PRKG1: variants seen among roughly 807,000 people sequenced by gnomAD.
PRKG1 encodes protein kinase cGMP-dependent 1, also known as cGMP-dependent protein kinase 1.
Under a neutral mutation model 88.1 loss-of-function variants are expected in PRKG1, and 35 were observed. The ratio of observed to expected loss-of-function variants is 0.40; its 90% CI spans 0.30 to 0.53. PRKG1 has a LOEUF of 0.53. Among genes scored for constraint, PRKG1 ranks in the 20% least tolerant of loss-of-function variants. The pLI is 0.59. For missense variants in PRKG1, 540 were observed against 839.8 expected, an observed-to-expected ratio of 0.64 and a Z score of 4.41; for synonymous variants, 303 against 292.5, an observed-to-expected ratio of 1.04 and a Z score of -0.37.
chr10:51,676,117 A>G (rs932684946), intron 3 of PRKG1, among the ~76,000 whole-genome samples: 5 of 152,176 alleles, frequency 3.3e-5, no homozygotes, highest in African/African-American at 4.8e-5. Context: ...AAAACAAAAA[A>G]AAAAAGAAAA....
At chr10:51,110,012 C>T (rs1467922698) in intron 1 of PRKG1, among the ~76,000 whole-genome samples, 3 of 151,958 alleles carry the variant, frequency 2.0e-5, no homozygotes, top group African/African-American at 7.2e-5. Flanking sequence ...AAATGCAAAC[C>T]ATAATGTGAA....
At chr10:51,008,526 A>G (rs1229692055) in intron 1 of PRKG1, among the ~76,000 whole-genome samples, 1 of 152,058 alleles carries the variant, frequency 6.6e-6, no homozygotes, top group Non-Finnish European at 1.5e-5. Flanking sequence ...TAACCATTCC[A>G]TGACTTGGAC....
rs866273881 is a variant in PRKG1, at chr10:52,203,277, A to G, written c.1076+41314A>G. 5.3e-5 allele frequency among the ~76,000 whole-genome samples: 8 copies of G among 152,220 alleles called. No individual in the cohort carries two copies. In the South Asian group the frequency reaches 1.7e-3, roughly 32 times the overall value. On this transcript the variant is annotated intron_variant, in intron 9 of 17. Coordinates refer to ENST00000373980, the MANE Select transcript of PRKG1 (RefSeq NM_006258.4). ...TGCCTTAATTTCATTGTTTAACCCA[A>G]AGTAAATCAGGAGCATGTTGTTTAA... is the stretch of plus-strand genomic sequence containing the variant.
intron 3 of PRKG1, among the ~76,000 whole-genome samples, chr10:51,693,112 ACC>A (rs1841186467): frequency 6.6e-6 from 1 of 151,634 alleles, no homozygotes; most frequent in South Asian, 2.1e-4. Context: ...ACATGGTGAA[ACC>A]CCGTCTCTAC....
intron 5 of PRKG1, among the ~76,000 whole-genome samples, chr10:52,004,461 G>A (rs1844679467): frequency 6.6e-6 from 1 of 152,252 alleles, no homozygotes; most frequent in South Asian, 2.1e-4. Context: ...CTTCTCTTCA[G>A]CATCTCCTGG....
chr10:51,452,103 C>A (rs1395599275), intron 2 of PRKG1, among the ~76,000 whole-genome samples: 2 of 151,854 alleles, frequency 1.3e-5, no homozygotes, highest in African/African-American at 4.8e-5. Flanking sequence ...GTGTTCAAAT[C>A]AGTGTCTTTT....
intron 5 of PRKG1, among the ~76,000 whole-genome samples, chr10:52,037,241 G>A (rs1417921458): frequency 6.6e-6 from 1 of 152,222 alleles, no homozygotes; most frequent in Non-Finnish European, 1.5e-5. Context: ...GCTCCTGTGG[G>A]AGGAGGTTCT....
intron 3 of PRKG1, among the ~76,000 whole-genome samples, chr10:51,651,732 C>A (rs963804396): frequency 6.6e-6 from 1 of 151,848 alleles, no homozygotes; most frequent in African/African-American, 2.4e-5. Flanking sequence ...TACAGGTGCA[C>A]GTCACCATGC....
rs563494485 is a variant in PRKG1, at chr10:52,221,428, CT to C, written c.1077-30137del. On this transcript the variant is annotated intron_variant, in intron 9 of 17. Coordinates refer to ENST00000373980, the MANE Select transcript of PRKG1 (RefSeq NM_006258.4). ...TATTTTAAAAACTAAGTCAACACGT[CT>C]TTTTAAAAACTTAGGGTTTTTTTAC... is the stretch of plus-strand genomic sequence containing the variant. Among the ~76,000 whole-genome samples, 647 of 152,134 alleles carry C rather than the reference CT, an allele frequency of 4.3e-3. 3 individuals carry two copies. Among genetic ancestry groups the C allele is most frequent in the Non-Finnish European group, 6.5e-3 (445 of 67,982 alleles).
At chr10:51,814,549 TGACAAAGCTG>T (rs1411826301) in intron 4 of PRKG1, among the ~76,000 whole-genome samples, 2 of 152,154 alleles carry the variant, frequency 1.3e-5, no homozygotes, top group Non-Finnish European at 2.9e-5. Context: ...GAATTAAGCT[TGACAAAGCTG>T]GTATAGTTTT....
intron 5 of PRKG1, among the ~76,000 whole-genome samples, chr10:52,013,827 G>C (rs778247217): frequency 6.6e-6 from 1 of 152,180 alleles, no homozygotes; most frequent in Non-Finnish European, 1.5e-5. Flanking sequence ...TCTCAAGTCT[G>C]TTCTTGATAT....
chr10:51,893,475 C>G (rs1841771124), intron 4 of PRKG1, among the ~76,000 whole-genome samples: 1 of 152,082 alleles, frequency 6.6e-6, no homozygotes, highest in African/African-American at 2.4e-5. Flanking sequence ...AATTTCAGCC[C>G]TCACTCAGGC....
chr10:51,930,915 T>C (rs1383337973), intron 5 of PRKG1, among the ~76,000 whole-genome samples: 1 of 152,212 alleles, frequency 6.6e-6, no homozygotes, highest in Non-Finnish European at 1.5e-5. Context: ...GTTATTAATA[T>C]GGTTTCAAAA....
chr10:51,187,308 C>G (rs141993719), intron 2 of PRKG1, among the ~76,000 whole-genome samples: 1 of 151,920 alleles, frequency 6.6e-6, no homozygotes, highest in African/African-American at 2.4e-5. Flanking sequence ...ACTGGTTCCA[C>G]CTGTAAATAA....
intron 3 of PRKG1, chr10:51,696,949 G>C (rs1175963476): frequency 6.6e-6 from 1 of 151,936 alleles, no homozygotes; most frequent in African/African-American, 2.4e-5. Context: ...GGTTTCATCA[G>C]AGCGGACTTA....
intron 3 of PRKG1, among the ~76,000 whole-genome samples, chr10:51,668,267 A>G (rs1840471873): frequency 6.6e-6 from 1 of 152,182 alleles, no homozygotes; most frequent in South Asian, 2.1e-4. Flanking sequence ...AAAACCACGT[A>G]TAGTGATAAG....
intron 3 of PRKG1, among the ~76,000 whole-genome samples, chr10:51,679,231 G>A (rs867910399): frequency 6.6e-6 from 1 of 152,054 alleles, no homozygotes; most frequent in Non-Finnish European, 1.5e-5. Context: ...CAGTAGTCTC[G>A]CAAAAGGACC....
chr10:51,579,671 A>G (rs1028538442), intron 3 of PRKG1, among the ~76,000 whole-genome samples: 3 of 152,168 alleles, frequency 2.0e-5, no homozygotes, highest in African/African-American at 4.8e-5. Flanking sequence ...TCTATTAACT[A>G]TATGAGGAGA....
chr10:51,661,565 A>T (rs1402675055), intron 3 of PRKG1, among the ~76,000 whole-genome samples: 1 of 152,168 alleles, frequency 6.6e-6, no homozygotes, highest in Non-Finnish European at 1.5e-5. Flanking sequence ...CAATCATTAA[A>T]AAGTCAGGAA....
Sources: allele counts gnomAD v4.1 joint callset (sites outside exome capture counted in the v4.1 genomes callset), GRCh38; gene constraint gnomAD v4.1.1; transcripts MANE v1.5; gene names NCBI Gene and HGNC (gene_info 2026-07-23, HGNC 2026-07-21).